SOX6: variants seen among roughly 807,000 people sequenced by gnomAD.
SOX6 encodes the protein transcription factor SOX-6.
A neutral mutation model predicts 97.8 loss-of-function variants in SOX6; 11 were observed. The observed-to-expected ratio is 0.11, with a 90% CI of 0.07 to 0.19. The LOEUF is 0.19. Among genes scored for constraint, SOX6 ranks in the 10% least tolerant of loss-of-function variants. SOX6 has a pLI of 1.00. For missense variants in SOX6, 810 were observed against 1,039.5 expected (o/e 0.78, Z 3.04); for synonymous variants, 360 against 371.4 (o/e 0.97, Z 0.35).
chr11:16,428,556 T>C (rs1236784790), intron 1 of SOX6, among the ~76,000 whole-genome samples: 1 of 152,174 alleles, frequency 6.6e-6, no homozygotes, highest in African/African-American at 2.4e-5. Context: ...CTAGCCAGTT[T>C]TCCCAGCACC....
chr11:16,542,903 TG>T (rs1484642539), intron 4 of SOX6, among the ~76,000 whole-genome samples: 1 of 152,122 alleles, frequency 6.6e-6, no homozygotes, highest in African/African-American at 2.4e-5. Context: ...GACCAGTAAT[TG>T]GTAAATGATT....
At chr11:16,097,792 C>G in intron 7 of SOX6, 104 bp from the exon 8 acceptor site, 2 of 1,066,976 alleles carry the variant, frequency 1.9e-6, no homozygotes, top group South Asian at 1.3e-5. Flanking sequence ...CAACATTGCT[C>G]TAAGCCCAAA....
At chr11:16,684,502 T>G (rs1272300360) in intron 3 of SOX6, among the ~76,000 whole-genome samples, 2 of 151,706 alleles carry the variant, frequency 1.3e-5, no homozygotes, top group East Asian at 3.9e-4. Context: ...ACACTGCATG[T>G]TCTCACTCAT....
At chr11:16,408,622 C>T (rs1254100734) in intron 1 of SOX6, 8 of 152,178 alleles carry the variant, frequency 5.3e-5, no homozygotes, top group African/African-American at 1.9e-4. Flanking sequence ...GAGTTTCTAA[C>T]ATTTGTTTTA....
chr11:16,583,558 G>T (rs781431719), intron 4 of SOX6, among the ~76,000 whole-genome samples: 30 of 133,688 alleles, frequency 2.2e-4, no homozygotes, highest in Non-Finnish European at 4.1e-4. Context: ...TCTTTTTTAT[G>T]GATGAATAAT....
At chr11:16,229,783 C>A (rs905872617) in intron 4 of SOX6, among the ~76,000 whole-genome samples, 1 of 151,686 alleles carries the variant, frequency 6.6e-6, no homozygotes, top group African/African-American at 2.4e-5. Flanking sequence ...AAAGAAAATT[C>A]TAGGCCTAGA....
intron 10 of SOX6, among the ~76,000 whole-genome samples, chr11:16,050,952 G>A (rs925663101): frequency 5.3e-5 from 8 of 152,054 alleles, no homozygotes; most frequent in Non-Finnish European, 8.8e-5. Context: ...TTTTAATGCC[G>A]TTGTTTAAAA....
chr11:16,452,780 G>C (rs562263684), intron 1 of SOX6, among the ~76,000 whole-genome samples: 187 of 152,258 alleles, frequency 1.2e-3, no homozygotes, highest in African/African-American at 4.2e-3. Flanking sequence ...ATAACTGTTA[G>C]CTCAGTGTAA....
intron 3 of SOX6, among the ~76,000 whole-genome samples, chr11:16,655,093 G>A (rs998051134): frequency 6.6e-6 from 1 of 152,182 alleles, no homozygotes. Context: ...ATTGAGTGAA[G>A]GGAGAATTCA....
At chr11:16,542,335 G>C (rs7924787) in intron 4 of SOX6, among the ~76,000 whole-genome samples, 1 of 151,918 alleles carries the variant, frequency 6.6e-6, no homozygotes, top group African/African-American at 2.4e-5. Context: ...CTTGGGGAAG[G>C]GATAGCATTA....
At chr11:16,173,156 T>C (rs929609053) in intron 6 of SOX6, among the ~76,000 whole-genome samples, 2 of 151,998 alleles carry the variant, frequency 1.3e-5, no homozygotes, top group Non-Finnish European at 2.9e-5. Flanking sequence ...TATGCCTACA[T>C]AGAAAAGTGA....
intron 1 of SOX6, among the ~76,000 whole-genome samples, chr11:16,474,469 G>T (rs1203349276): frequency 1.3e-5 from 2 of 152,198 alleles, no homozygotes; most frequent in Non-Finnish European, 2.9e-5. Flanking sequence ...ATGGCCTACA[G>T]AATGGATGCT....
intron 9 of SOX6, among the ~76,000 whole-genome samples, chr11:16,082,938 T>C (rs971938841): frequency 1.3e-5 from 2 of 152,184 alleles, no homozygotes; most frequent in Non-Finnish European, 2.9e-5. Flanking sequence ...TGTTTGTCGT[T>C]TCTGAATGTG....
At chr11:16,120,561 C>CATATATATATATAT (rs71455877) in intron 6 of SOX6, among the ~76,000 whole-genome samples, 39 of 145,096 alleles carry the variant, frequency 2.7e-4, no homozygotes, top group African/African-American at 9.3e-4. Context: ...GCTAACTTCA[C>CATATATATATATAT]ATATATATAT....
In SOX6 at chr11:16,323,615, T is replaced by G. The variant is rs1468303006; in HGVS notation, c.238-4962A>C. 1.3e-5 allele frequency among the ~76,000 whole-genome samples: 2 copies of G among 152,144 alleles called. 1 individual carries two copies. Among genetic ancestry groups the G allele is most frequent in the South Asian group, 4.1e-4 (2 of 4,834 alleles). On this transcript the variant is annotated intron_variant, in intron 2 of 15. Coordinates refer to ENST00000683767, the MANE Select transcript of SOX6 (RefSeq NM_001367873.1). Reference sequence around the variant, plus strand: ...GTTCAGATCAAACTGCATTTCATCCTTGAAGCACCCCTGACTATACTGGAC... The same window carrying G: ...GTTCAGATCAAACTGCATTTCATCCGTGAAGCACCCCTGACTATACTGGAC...
intron 1 of SOX6, among the ~76,000 whole-genome samples, chr11:16,403,611 CATAAG>C (rs746350853): frequency 4.6e-5 from 7 of 151,512 alleles, no homozygotes; most frequent in Non-Finnish European, 8.9e-5. Flanking sequence ...CCTACAGTAA[CATAAG>C]ATAAGAGACA....
At chr11:16,467,470 G>A (rs537988375) in intron 1 of SOX6, among the ~76,000 whole-genome samples, 2 of 152,294 alleles carry the variant, frequency 1.3e-5, no homozygotes, top group South Asian at 4.1e-4. Flanking sequence ...AAAAGAATGA[G>A]ATCATGTCCT....
chr11:16,652,755 A>G (rs1036911142), intron 3 of SOX6, among the ~76,000 whole-genome samples: 5 of 138,476 alleles, frequency 3.6e-5, no homozygotes, highest in Non-Finnish European at 7.7e-5. Context: ...AAACAAAAAT[A>G]AATAGATGGG....
chr11:16,624,178 T>A (rs1176568486), intron 3 of SOX6, among the ~76,000 whole-genome samples: 1 of 108,914 alleles, frequency 9.2e-6, no homozygotes, highest in Non-Finnish European at 1.8e-5. Flanking sequence ...GATTTTTATT[T>A]TTTTATTTTA....
Sources: gnomAD v4.1 joint callset for allele counts (sites outside exome capture counted in the v4.1 genomes callset) on GRCh38, gnomAD v4.1.1 for gene constraint, MANE v1.5 for transcripts, NCBI Gene and HGNC (gene_info 2026-07-23, HGNC 2026-07-21) for gene names.